EDIL3: variants seen among roughly 807,000 people sequenced by gnomAD.
EDIL3 encodes EGF-like repeat and discoidin I-like domain-containing protein 3.
In EDIL3, 37 loss-of-function variants were observed where a neutral mutation model predicts 67.4. That is an observed-to-expected ratio of 0.55 (90% CI 0.42 to 0.72). The LOEUF is 0.72. Ranked by LOEUF, EDIL3 falls within the 30% of genes least tolerant of loss-of-function variation. The pLI, the probability that EDIL3 is intolerant of heterozygous loss-of-function variation, is 0.00. For missense variants in EDIL3, 527 were observed against 586.3 expected (o/e 0.90, Z 1.04); for synonymous variants, 195 against 196.3 (o/e 0.99, Z 0.05).
At position 84,046,472 on chromosome 5, in the gene EDIL3, CTTT is replaced by C. The variant is rs1746226759; in HGVS notation, c.1137+13825_1137+13827del. On this transcript the variant is annotated intron_variant, in intron 9 of 10. Coordinates refer to ENST00000296591, the MANE Select transcript of EDIL3 (RefSeq NM_005711.5). ...GGCTTCCTGACAAGTGCTGAATCCC[CTTT>C]AGACCACTGACTGGCTCTGCAATCT... Among the ~76,000 whole-genome samples, 3 of 152,286 alleles carry C rather than the reference CTTT, an allele frequency of 2.0e-5. No individual in the cohort carries two copies. The South Asian group carries it at 6.2e-4, about 32-fold the overall frequency.
chr5:84,026,839 A>T (rs1745824492), intron 9 of EDIL3, among the ~76,000 whole-genome samples: 1 of 152,198 alleles, frequency 6.6e-6, no homozygotes, highest in Non-Finnish European at 1.5e-5. Context: ...CTTGTCCAGC[A>T]CTTTGGGAAA....
Position 84,074,392 on chromosome 5 carries a change from A to G in EDIL3, c.652-7786T>C, listed in dbSNP as rs188817847. 6.3e-3 allele frequency among the ~76,000 whole-genome samples: 953 copies of G among 152,334 alleles called. 9 individuals are homozygous for G. Among genetic ancestry groups the G allele is most frequent in the African/African-American group, 0.022 (920 of 41,568 alleles). ...GAGCTTCTGCACAGCAAAAGAAACT[A>G]CCATCAGAGTGAACATTCAACCCAC... On this transcript the variant is annotated intron_variant, in intron 6 of 10. Transcript: ENST00000296591.
intron 10 of EDIL3, among the ~76,000 whole-genome samples, chr5:83,958,508 T>G (rs1744553288): frequency 6.6e-6 from 1 of 151,536 alleles, no homozygotes; most frequent in Admixed American, 6.6e-5. Context: ...ACTTTTCAAC[T>G]TATGCTTTTA....
At chr5:84,228,054 G>A (rs185669554) in intron 3 of EDIL3, among the ~76,000 whole-genome samples, 1 of 151,992 alleles carries the variant, frequency 6.6e-6, no homozygotes, top group East Asian at 1.9e-4. Flanking sequence ...GTTAAATTAA[G>A]AATAATAAAG....
chr5:84,021,808 G>T (rs1370713592), intron 9 of EDIL3, among the ~76,000 whole-genome samples: 1 of 151,800 alleles, frequency 6.6e-6, no homozygotes, highest in East Asian at 1.9e-4. Context: ...TAAAGAAAAT[G>T]GATACATTCC....
intron 6 of EDIL3, among the ~76,000 whole-genome samples, chr5:84,097,152 G>C (rs891674664): frequency 1.3e-5 from 2 of 152,146 alleles, no homozygotes; most frequent in Admixed American, 6.5e-5. Context: ...ATTGAAGTTT[G>C]AGAAATAACT....
chr5:83,952,609 C>T (rs1389977425), intron 10 of EDIL3, among the ~76,000 whole-genome samples: 1 of 151,716 alleles, frequency 6.6e-6, no homozygotes, highest in African/African-American at 2.4e-5. Flanking sequence ...TGTAGAAATG[C>T]CTTTCCTCTT....
Position 84,294,243 on chromosome 5 carries a change from G to C in EDIL3, c.68-40031C>G, listed in dbSNP as rs140800544. ...CTAAAAAAATAGAAAAAATTAGCCA[G>C]GCATTGTGGCGGGCACCTGTAGTCC... On this transcript the variant is annotated intron_variant, in intron 1 of 10. Coordinates refer to ENST00000296591, the MANE Select transcript of EDIL3 (RefSeq NM_005711.5). Among the ~76,000 whole-genome samples the C allele has an allele frequency of 9.8e-3, 1,486 of 151,936 alleles. 30 individuals carry two copies. Among genetic ancestry groups the C allele is most frequent in the African/African-American group, 0.034 (1,409 of 41,438 alleles).
intron 4 of EDIL3, among the ~76,000 whole-genome samples, chr5:84,160,074 A>G (rs949803012): frequency 2.0e-5 from 3 of 152,158 alleles, no homozygotes; most frequent in African/African-American, 7.2e-5. Flanking sequence ...AGATAACATA[A>G]TAGTCACATT....
intron 1 of EDIL3, among the ~76,000 whole-genome samples, chr5:84,312,395 C>A (rs180694367): frequency 7.3e-6 from 1 of 136,494 alleles, no homozygotes; most frequent in Non-Finnish European, 1.5e-5. Context: ...GACTCCCCCA[C>A]CACCCTCCCG....
At chr5:84,121,970 G>T (rs1364032387) in intron 5 of EDIL3, among the ~76,000 whole-genome samples, 1 of 151,940 alleles carries the variant, frequency 6.6e-6, no homozygotes, top group East Asian at 1.9e-4. Context: ...CTTATAAAGA[G>T]CCTGGAAGTA....
intron 1 of EDIL3, among the ~76,000 whole-genome samples, chr5:84,279,802 A>T (rs528134234): frequency 4.6e-4 from 70 of 152,240 alleles, no homozygotes; most frequent in Admixed American, 2.5e-3. Flanking sequence ...TTCCATTCCA[A>T]AATTGTTTGA....
At chr5:84,156,243 G>C (rs1323454923) in intron 4 of EDIL3, among the ~76,000 whole-genome samples, 1 of 152,106 alleles carries the variant, frequency 6.6e-6, no homozygotes, top group Non-Finnish European at 1.5e-5. Context: ...GGAAGAGGAG[G>C]GCAACCAGGA....
chr5:84,074,173 C>T (rs1580313506), intron 6 of EDIL3, among the ~76,000 whole-genome samples: 1 of 150,520 alleles, frequency 6.6e-6, no homozygotes, highest in East Asian at 2.0e-4. Flanking sequence ...GGATCCCTTC[C>T]TTACACCTTA....
At chr5:84,366,853 T>C (rs1286684867) in intron 1 of EDIL3, among the ~76,000 whole-genome samples, 1 of 152,230 alleles carries the variant, frequency 6.6e-6, no homozygotes. Context: ...TCTATCCGTC[T>C]GGCATTTTTT....
intron 3 of EDIL3, among the ~76,000 whole-genome samples, chr5:84,206,561 C>T (rs1222394653): frequency 6.6e-6 from 1 of 152,108 alleles, no homozygotes; most frequent in African/African-American, 2.4e-5. Flanking sequence ...CCAGCATCAT[C>T]CTGATACCAA....
chr5:84,056,810 C>T (rs892927993), intron 9 of EDIL3, among the ~76,000 whole-genome samples: 1 of 152,024 alleles, frequency 6.6e-6, no homozygotes, highest in Non-Finnish European at 1.5e-5. Context: ...AAAAATATAC[C>T]TAATTCAGAG....
At chr5:84,046,557 G>C (rs1315054643) in intron 9 of EDIL3, among the ~76,000 whole-genome samples, 2 of 152,064 alleles carry the variant, frequency 1.3e-5, no homozygotes, top group Non-Finnish European at 1.5e-5. Flanking sequence ...CTCACGGAGA[G>C]GGCTGCTTTA....
chr5:84,152,109 G>A (rs1404363574), intron 4 of EDIL3, among the ~76,000 whole-genome samples: 1 of 151,622 alleles, frequency 6.6e-6, no homozygotes. Context: ...TAGTAGAGGC[G>A]GGGTTTCACC....
Sources: allele counts gnomAD v4.1 joint callset (sites outside exome capture counted in the v4.1 genomes callset), GRCh38; gene constraint gnomAD v4.1.1; transcripts MANE v1.5; gene names NCBI Gene and HGNC (gene_info 2026-07-23, HGNC 2026-07-21).